NLGN1: variants seen among roughly 807,000 people sequenced by gnomAD.
The protein encoded by NLGN1 is neuroligin 1.
Under a neutral mutation model 65.5 loss-of-function variants are expected in NLGN1, and 12 were observed. That is an observed-to-expected ratio of 0.18 (90% CI 0.12 to 0.30). The LOEUF (loss-of-function observed/expected upper bound fraction) is 0.30. Ranked by LOEUF, NLGN1 falls within the 10% of genes least tolerant of loss-of-function variation. The probability of loss-of-function intolerance (pLI) is 1.00; values close to 1 mark genes in which losing one functional copy is unlikely to be tolerated. For missense variants in NLGN1, 750 were observed against 1,007.1 expected (o/e 0.74, Z 3.46); for synonymous variants, 350 against 359.5 (o/e 0.97, Z 0.30).
chr3:173,742,780 T>C (rs1006115130), intron 3 of NLGN1, among the ~76,000 whole-genome samples: 1 of 152,156 alleles, frequency 6.6e-6, no homozygotes, highest in Non-Finnish European at 1.5e-5. Context: ...TTGTTTTCCA[T>C]GAAAGTGGCC....
intron 2 of NLGN1, among the ~76,000 whole-genome samples, chr3:173,565,579 C>T (rs1009237806): frequency 6.6e-6 from 1 of 152,092 alleles, no homozygotes; most frequent in African/African-American, 2.4e-5. Context: ...AGAACACTGG[C>T]ACTTCCCCAG....
chr3:174,040,507 A>G lies in NLGN1; in HGVS notation c.646+232675A>G, dbSNP rs189580170. On this transcript the variant is annotated intron_variant, in intron 4 of 6. Transcript: ENST00000457714. ...AGACCAAATTTGTGTAGGGCACCTC[A>G]TTTTATACATTATACAAGAAAAAAA... Among the ~76,000 whole-genome samples, 21 of 152,282 alleles carry G rather than the reference A, an allele frequency of 1.4e-4. 1 individual carries two copies. In the East Asian group the frequency reaches 4.0e-3, roughly 29 times the overall value.
chr3:173,747,524 G>A (rs1225148696), intron 3 of NLGN1, among the ~76,000 whole-genome samples: 1 of 150,238 alleles, frequency 6.7e-6, no homozygotes, highest in Non-Finnish European at 1.5e-5. Context: ...CTGCATTGTT[G>A]ATTGGCAAGC....
chr3:174,220,175 C>A (rs1738375759), intron 4 of NLGN1, among the ~76,000 whole-genome samples: 1 of 152,052 alleles, frequency 6.6e-6, no homozygotes, highest in Non-Finnish European at 1.5e-5. Flanking sequence ...TGAGCAGATT[C>A]TGGTAGAAAA....
chr3:173,600,225 A>G lies in NLGN1; in HGVS notation c.-320-4054A>G, dbSNP rs76642716. ...TACACACACACACACACACACACAC[A>G]CGTGTATGTCTTTAAAAACAAAAGG... On this transcript the variant is annotated intron_variant, in intron 2 of 6. Transcript: ENST00000457714. Among the ~76,000 whole-genome samples, 1,468 of 151,708 alleles carry G rather than the reference A, an allele frequency of 9.7e-3. 33 individuals carry two copies. The highest frequency in any genetic ancestry group is 0.054 in the Admixed American group (822 of 15,200).
At chr3:173,722,588 T>C (rs546611721) in intron 3 of NLGN1, among the ~76,000 whole-genome samples, 1 of 152,234 alleles carries the variant, frequency 6.6e-6, no homozygotes, top group South Asian at 2.1e-4. Context: ...TGCACTCATC[T>C]ATTAAGACAT....
chr3:174,251,908 A>G (rs1033596149), intron 4 of NLGN1, among the ~76,000 whole-genome samples: 34 of 152,194 alleles, frequency 2.2e-4, no homozygotes, highest in African/African-American at 8.2e-4. Flanking sequence ...GAGTGCAGAA[A>G]AAAAAGAAAA....
chr3:173,891,235 T>A (rs184273827), intron 4 of NLGN1, among the ~76,000 whole-genome samples: 70 of 152,290 alleles, frequency 4.6e-4, no homozygotes, highest in African/African-American at 1.5e-3. Flanking sequence ...GAATTATTGA[T>A]CATGTGCAAC....
At chr3:173,593,399 C>T (rs2149405228) in intron 2 of NLGN1, among the ~76,000 whole-genome samples, 1 of 152,256 alleles carries the variant, frequency 6.6e-6, no homozygotes, top group Non-Finnish European at 1.5e-5. Flanking sequence ...TTCACGTCGT[C>T]CTCTCCAATG....
intron 4 of NLGN1, among the ~76,000 whole-genome samples, chr3:173,869,062 A>C (rs1015444209): frequency 6.6e-6 from 1 of 152,212 alleles, no homozygotes; most frequent in Non-Finnish European, 1.5e-5. Context: ...ATATTTTACT[A>C]AATGATATTC....
chr3:173,476,083 G>A (rs992662910), intron 2 of NLGN1, among the ~76,000 whole-genome samples: 77 of 152,232 alleles, frequency 5.1e-4, no homozygotes, highest in Non-Finnish European at 9.6e-4. Context: ...AAGACAAGCT[G>A]GAGAATTACC....
At chr3:173,786,349 A>G (rs1781958232) in intron 3 of NLGN1, among the ~76,000 whole-genome samples, 1 of 152,022 alleles carries the variant, frequency 6.6e-6, no homozygotes, top group Non-Finnish European at 1.5e-5. Context: ...AACCATTTTG[A>G]TCTTTCTGTG....
At chr3:173,985,798 A>C (rs1051975703) in intron 4 of NLGN1, among the ~76,000 whole-genome samples, 22 of 152,104 alleles carry the variant, frequency 1.4e-4, no homozygotes, top group African/African-American at 5.3e-4. Flanking sequence ...AAAAATACAA[A>C]AATTAGCTGG....
At chr3:173,738,862 CA>C (rs1310226832) in intron 3 of NLGN1, among the ~76,000 whole-genome samples, 5 of 151,876 alleles carry the variant, frequency 3.3e-5, no homozygotes, top group Non-Finnish European at 7.4e-5. Context: ...CTGCAAGAGG[CA>C]AAAACATTTG....
chr3:174,082,401 T>G (rs1044047445), intron 4 of NLGN1, among the ~76,000 whole-genome samples: 1 of 152,120 alleles, frequency 6.6e-6, no homozygotes, highest in Admixed American at 6.5e-5. Context: ...GATATATTAC[T>G]GGGCTTATTA....
intron 4 of NLGN1, among the ~76,000 whole-genome samples, chr3:173,911,983 T>C (rs1000287951): frequency 6.6e-6 from 1 of 152,186 alleles, no homozygotes; most frequent in Admixed American, 6.5e-5. Flanking sequence ...ATGTTGTATT[T>C]ACAATGTGCT....
downstream of NLGN1, among the ~76,000 whole-genome samples, chr3:174,286,854 G>A (rs781172129): frequency 2.0e-5 from 3 of 150,930 alleles, no homozygotes; most frequent in African/African-American, 4.9e-5. Context: ...TTGGGGAGCT[G>A]GACACAACTT....
At chr3:173,725,783 A>G (rs1360772995) in intron 3 of NLGN1, among the ~76,000 whole-genome samples, 2 of 152,150 alleles carry the variant, frequency 1.3e-5, no homozygotes, top group Non-Finnish European at 2.9e-5. Flanking sequence ...GACGGGGGAA[A>G]GATCCACTTC....
intron 3 of NLGN1, among the ~76,000 whole-genome samples, chr3:173,621,625 T>C (rs1754005034): frequency 6.6e-6 from 1 of 152,044 alleles, no homozygotes; most frequent in Admixed American, 6.6e-5. Context: ...GTAATAGCAC[T>C]GTAGTTTATA....
Sources: gnomAD v4.1 joint callset for allele counts (sites outside exome capture counted in the v4.1 genomes callset) on GRCh38, gnomAD v4.1.1 for gene constraint, MANE v1.5 for transcripts, NCBI Gene and HGNC (gene_info 2026-07-23, HGNC 2026-07-21) for gene names.